The following CPA6 variants were observed in gnomAD, a reference collection of about 807,000 sequenced individuals.
CPA6 encodes the protein carboxypeptidase A6.
A neutral mutation model predicts 63.3 loss-of-function variants in CPA6; 58 were observed. The ratio of observed to expected loss-of-function variants is 0.92; its 90% CI spans 0.74 to 1.14. The LOEUF (loss-of-function observed/expected upper bound fraction) is 1.14, where lower values mean the gene tolerates loss of function less well. CPA6 is among the 50% of genes most tolerant of loss of function. CPA6 has a pLI of 0.00. For missense variants in CPA6, 565 were observed against 526.6 expected (o/e 1.07, Z -0.71); for synonymous variants, 185 against 179.0 (o/e 1.03, Z -0.27).
chr8:67,739,627 G>T (rs1173502715), intron 1 of CPA6, among the ~76,000 whole-genome samples: 2 of 152,090 alleles, frequency 1.3e-5, no homozygotes, highest in Non-Finnish European at 2.9e-5. Context: ...TATTCAGGGT[G>T]TGCAATGCTG....
In CPA6 at chr8:67,669,795, C is replaced by CA. The variant is rs11294793; in HGVS notation, c.117-45545dup. The stretch of plus-strand genomic sequence containing the variant: ...GGAAATATGAAAAATTATCTAAAGA[C>CA]AAAAAAAAAAACAACCCCAAAAAAC... On this transcript the variant is annotated intron_variant, in intron 1 of 10. Coordinates refer to ENST00000297770, the MANE Select transcript of CPA6 (RefSeq NM_020361.5). Among the ~76,000 whole-genome samples the CA allele has an allele frequency of 2.1e-3, 294 of 139,808 alleles. 2 individuals carry two copies. Among genetic ancestry groups the CA allele is most frequent in the Middle Eastern group, 0.011 (3 of 262 alleles). The allele number at this position is 139,808 out of a possible 152,430, so 91.7% of individuals were successfully genotyped here. A position where few individuals can be genotyped will look rare whatever the true frequency, so the allele number is the denominator to read the frequency against.
chr8:67,652,205 G>C (rs185404277), intron 1 of CPA6, among the ~76,000 whole-genome samples: 1 of 152,086 alleles, frequency 6.6e-6, no homozygotes, highest in African/African-American at 2.4e-5. Flanking sequence ...ATAAACATAC[G>C]TGTGCATGTG....
At chr8:67,644,080 C>T (rs577224288) in intron 1 of CPA6, among the ~76,000 whole-genome samples, 4 of 151,696 alleles carry the variant, frequency 2.6e-5, no homozygotes, top group Non-Finnish European at 5.9e-5. Flanking sequence ...CCTTAAAGAC[C>T]GCATGGTTGC....
At chr8:67,733,013 G>A (rs938033354) in intron 1 of CPA6, among the ~76,000 whole-genome samples, 1 of 151,650 alleles carries the variant, frequency 6.6e-6, no homozygotes, top group African/African-American at 2.4e-5. Flanking sequence ...CGGCTAACAC[G>A]GTGAAACCCC....
At chr8:67,687,403 T>C (rs1587702503) in intron 1 of CPA6, among the ~76,000 whole-genome samples, 1 of 152,052 alleles carries the variant, frequency 6.6e-6, no homozygotes, top group Non-Finnish European at 1.5e-5. Flanking sequence ...GCAGTGGACT[T>C]GTGGTGAGAG....
intron 1 of CPA6, among the ~76,000 whole-genome samples, chr8:67,716,273 C>T (rs1427847816): frequency 6.6e-6 from 1 of 151,680 alleles, no homozygotes; most frequent in African/African-American, 2.4e-5. Context: ...GGTTGCATTC[C>T]CAGGAGGTTA....
intron 8 of CPA6, among the ~76,000 whole-genome samples, chr8:67,455,926 G>A (rs1275077474): frequency 6.6e-6 from 1 of 151,986 alleles, no homozygotes; most frequent in Admixed American, 6.6e-5. Flanking sequence ...TATTATCTGA[G>A]TTGATCTTGA....
chr8:67,594,886 A>T (rs57806124), intron 2 of CPA6, among the ~76,000 whole-genome samples: 3 of 152,120 alleles, frequency 2.0e-5, no homozygotes, highest in African/African-American at 7.2e-5. Context: ...AACTCGTCAA[A>T]GTCATTCTCC....
chr8:67,654,101 C>T (rs927738110), intron 1 of CPA6, among the ~76,000 whole-genome samples: 1 of 152,170 alleles, frequency 6.6e-6, no homozygotes, highest in Non-Finnish European at 1.5e-5. Context: ...CCCACTTGAT[C>T]ATGGTGGATA....
intron 8 of CPA6, among the ~76,000 whole-genome samples, chr8:67,446,039 C>T (rs562622108): frequency 1.3e-5 from 2 of 152,146 alleles, no homozygotes; most frequent in South Asian, 4.2e-4. Flanking sequence ...CCGGGGCGGG[C>T]GGATCACGAG....
At chr8:67,536,168 T>C (rs1812580702) in intron 2 of CPA6, among the ~76,000 whole-genome samples, 1 of 152,208 alleles carries the variant, frequency 6.6e-6, no homozygotes, top group African/African-American at 2.4e-5. Context: ...AGGATTGTCT[T>C]GGTTGTGTGG....
intron 2 of CPA6, among the ~76,000 whole-genome samples, chr8:67,593,178 C>T (rs965684696): frequency 3.3e-5 from 5 of 150,480 alleles, no homozygotes; most frequent in Admixed American, 3.3e-4. Flanking sequence ...GTTCAGTTTC[C>T]ATGTAGTTGA....
chr8:67,424,483 A>T (rs779431594), intron 10 of CPA6, among the ~76,000 whole-genome samples: 3 of 152,016 alleles, frequency 2.0e-5, no homozygotes, highest in Non-Finnish European at 4.4e-5. Flanking sequence ...TACATGCGTC[A>T]CCTCTTGATA....
intron 1 of CPA6, among the ~76,000 whole-genome samples, chr8:67,647,841 T>C (rs448193): frequency 0.28 from 42,281 of 152,018 alleles, 6,028 homozygotes; most frequent in African/African-American, 0.34. Flanking sequence ...TTCCAGGCCA[T>C]TATATGTTCT....
intron 8 of CPA6, among the ~76,000 whole-genome samples, chr8:67,466,018 C>A (rs1810916674): frequency 6.7e-6 from 1 of 150,374 alleles, no homozygotes; most frequent in Non-Finnish European, 1.5e-5. Flanking sequence ...GGAATAGTTT[C>A]AGTAGAATTG....
At chr8:67,565,475 T>C (rs1207969594) in intron 2 of CPA6, among the ~76,000 whole-genome samples, 1 of 152,200 alleles carries the variant, frequency 6.6e-6, no homozygotes, top group East Asian at 1.9e-4. Flanking sequence ...CCTCTCCCAC[T>C]GCTGACATGA....
At chr8:67,688,201 T>C (rs1293199331) in intron 1 of CPA6, among the ~76,000 whole-genome samples, 1 of 152,000 alleles carries the variant, frequency 6.6e-6, no homozygotes, top group East Asian at 1.9e-4. Context: ...AAACAAAAAA[T>C]CATCATTTAG....
intron 8 of CPA6, among the ~76,000 whole-genome samples, chr8:67,438,106 C>CG (rs1314549793): frequency 6.6e-6 from 1 of 152,082 alleles, no homozygotes; most frequent in South Asian, 2.1e-4. Flanking sequence ...TTAGTAGAGA[C>CG]GGGGTTTCAC....
intron 6 of CPA6, among the ~76,000 whole-genome samples, chr8:67,496,517 GTTTATATATATATATATATATATATATA>G (rs1811714386): frequency 2.1e-5 from 1 of 47,418 alleles, no homozygotes; most frequent in African/African-American, 1.1e-4. Context: ...CCACTATATA[GTTTATATATATATATATATATATATATA>G]TATATATATA....
Sources: gnomAD v4.1 joint callset for allele counts (sites outside exome capture counted in the v4.1 genomes callset) on GRCh38, gnomAD v4.1.1 for gene constraint, MANE v1.5 for transcripts, NCBI Gene and HGNC (gene_info 2026-07-23, HGNC 2026-07-21) for gene names.